CARD14: variants seen among roughly 807,000 people sequenced by gnomAD.
CARD14 encodes caspase recruitment domain-containing protein 14.
A neutral mutation model predicts 111.5 loss-of-function variants in CARD14; 107 were observed. That is an observed-to-expected ratio of 0.96 (90% confidence interval 0.82 to 1.13). CARD14 has a LOEUF of 1.13. Among genes scored for constraint, CARD14 ranks in the 50% most tolerant of loss-of-function variants. The probability of loss-of-function intolerance (pLI) is 0.00; values close to 1 mark genes in which losing one functional copy is unlikely to be tolerated. For synonymous variants in CARD14, 617 were observed against 579.6 expected (o/e 1.06, Z -0.93); for missense variants, 1,322 against 1,362.3 (o/e 0.97, Z 0.47).
Position 80,203,852 on chromosome 17 carries a change from G to C in CARD14, c.2250G>C (p.Gln750His), listed in dbSNP as rs1598704863. Residue 750 changes from glutamine (Q) to histidine (H), a missense_variant, in exon 19 of 24, where the codon CAG (glutamine) becomes CAC (histidine). By Grantham distance (24) the Gln-to-His change is conservative. Coordinates refer to ENST00000648509, the MANE Select transcript of CARD14 (RefSeq NM_001366385.1). The surrounding 1 kb of genome is among the most constrained non-coding windows in gnomAD (Gnocchi z 4.6). The part of the protein sequence containing the change: ...RAQQQLIALI[Q>H]DMTQQCTVTR... Reference sequence around the variant, plus strand: ...AGCAGCAGCTCATAGCCCTCATCCAGGACATGACTCAGCAGTGCACCGTGA... The same window carrying C: ...AGCAGCAGCTCATAGCCCTCATCCACGACATGACTCAGCAGTGCACCGTGA... 1.3e-6 allele frequency: 2 copies of C among 1,594,664 alleles called. No individual in the cohort carries two copies. Among genetic ancestry groups the C allele is most frequent in the Non-Finnish European group, 1.7e-6 (2 of 1,171,480 alleles).
In CARD14 at chr17:80,188,405, G is replaced by A. The variant is rs1240300516; in HGVS notation, c.704G>A (p.Arg235Gln). 3.1e-6 allele frequency: 5 copies of A among 1,610,378 alleles called. No homozygotes were observed. The highest frequency in any genetic ancestry group is 2.2e-5 in the East Asian group (1 of 44,470). Residue 235 changes from arginine to glutamine, a missense_variant, in exon 8 of 24, where the codon CGA becomes CAA. Transcript: ENST00000648509. This position sits in a 1 kb window ranked among gnomAD's most constrained non-coding sequence, Gnocchi z 4.5. ...TATCTACTGAAGCAGGAGCTGCAGC[G>A]AGCCAACATGGTTTCCTCCTGTGAG... ...ELYLLKQELQ[R>Q]ANMVSSCELE... is the part of the protein sequence containing the mutation.
rs376630011 is a variant in CARD14 at position 80,189,878 on chromosome 17, G to A, written c.963+6G>A. The A allele has an allele frequency of 2.6e-5, 42 of 1,593,144 alleles. No homozygotes were observed. Among genetic ancestry groups the A allele is most frequent in the Non-Finnish European group, 3.2e-5 (38 of 1,172,130 alleles). ...CCGAGAGGCAGCGAGAGCAGGTGCC[G>A]TGTGAGCCCTTCCTCCCTTGTGACT... On this transcript the variant is annotated splice_donor_region_variant and intron_variant, in intron 9 of 23. Transcript: ENST00000648509. The surrounding 1 kb of genome is among the most constrained non-coding windows in gnomAD (Gnocchi z 4.7).
At chr17:80,183,874 C>T (rs560691188) in intron 6 of CARD14, 39 bp from the exon 7 acceptor site, 3 of 1,445,910 alleles carry the variant, frequency 2.1e-6, no homozygotes, top group African/African-American at 2.9e-5. Flanking sequence ...CTATTACCTC[C>T]CTACCTGCTC....
intron 1 of CARD14, among the ~76,000 whole-genome samples, chr17:80,171,311 C>T (rs1390437304): frequency 1.3e-5 from 2 of 149,674 alleles, no homozygotes; most frequent in African/African-American, 4.9e-5. Flanking sequence ...TTCTCTCTCT[C>T]TCTCTTTCTT....
chr17:80,202,128 C>T (rs375862251), intron 17 of CARD14, 52 bp from the exon 18 acceptor site: 16 of 1,504,110 alleles, frequency 1.1e-5, no homozygotes, highest in Middle Eastern at 1.7e-4. Context: ...CAACCTTCCT[C>T]GCAGAGGCTC....
Position 80,202,301 on chromosome 17 carries a change from C to G in CARD14, c.2100C>G (p.Asn700Lys). ...AAGGGGAGCTGCAGGTGCATTGCAACGAGGTCCTGCACGTCACCGACACCA... is the reference window on the plus strand; with the variant it reads ...AAGGGGAGCTGCAGGTGCATTGCAAGGAGGTCCTGCACGTCACCGACACCA... Reference protein sequence around the residue: ...RAKGELQVHCNEVLHVTDTMF... With the variant: ...RAKGELQVHCKEVLHVTDTMF... The change falls in exon 18 of 24, where the codon AAC (asparagine) becomes AAG (lysine). Residue 700 changes from asparagine (N) to lysine (K), a missense_variant. Physicochemically the swap from Asn to Lys is moderately conservative, Grantham distance 94 (BLOSUM62 0). Coordinates refer to ENST00000648509, the MANE Select transcript of CARD14 (RefSeq NM_001366385.1). 6.2e-7 allele frequency: 1 copy of G among 1,613,762 alleles called. No individual in the cohort carries two copies. The highest frequency in any genetic ancestry group is 8.5e-7 in the Non-Finnish European group (1 of 1,180,008).
rs1185414935 is a variant in CARD14, at chr17:80,179,286, A to G, written c.-36A>G. On this transcript the variant is annotated 5_prime_UTR_variant, in exon 4 of 24. It adds an upstream start codon to the 5' untranslated region. Transcript: ENST00000648509. The stretch of plus-strand genomic sequence containing the variant: ...GGAGAAAAATTAGGCACAACCTGAT[A>G]TCCTCCCACAGGAGCGTAAGTCCAC... 2 of 152,256 alleles carry G rather than the reference A, an allele frequency of 1.3e-5. No individual in the cohort carries two copies. Among genetic ancestry groups the G allele is most frequent in the Non-Finnish European group, 2.9e-5 (2 of 68,054 alleles). The allele number at this position is 152,256 out of a possible 1,614,324, so 9.4% of individuals were successfully genotyped here. A position where few individuals can be genotyped will look rare whatever the true frequency, so the allele number is the denominator to read the frequency against.
chr17:80,206,445 T>C (rs2041313400), intron 22 of CARD14, among the ~76,000 whole-genome samples: 1 of 151,762 alleles, frequency 6.6e-6, no homozygotes, highest in Admixed American at 6.6e-5. Flanking sequence ...GAGACACCCG[T>C]CTCTACAAAA....
chr17:80,192,457 G>A lies in CARD14; in HGVS notation c.1240-46G>A, dbSNP rs185983029. ...GTAGAAACTCCACGGGCCTCAAAGCGGAACCTTTCCCGAATTAACCAGCCT... is the reference window on the plus strand; with the variant it reads ...GTAGAAACTCCACGGGCCTCAAAGCAGAACCTTTCCCGAATTAACCAGCCT... On this transcript the variant is annotated intron_variant, in intron 11 of 23. Coordinates refer to ENST00000648509, the MANE Select transcript of CARD14 (RefSeq NM_001366385.1). 944 of 1,505,648 alleles carry A rather than the reference G, an allele frequency of 6.3e-4. 5 individuals are homozygous for A. The highest frequency in any genetic ancestry group is 3.6e-3 in the Middle Eastern group (21 of 5,828). 93.3% of individuals were successfully genotyped at this position (1,505,648 alleles called of 1,614,324 possible).
At chr17:80,204,369 C>T (rs780960038) in intron 20 of CARD14, 28 bp downstream of exon 20, 3 of 1,524,028 alleles carry the variant, frequency 2.0e-6, no homozygotes, top group East Asian at 2.5e-5. Context: ...GGCACAGGGG[C>T]CACTGGCTCC....
At position 80,203,476 on chromosome 17, in the gene CARD14, C is replaced by T. The variant is rs984669001; in HGVS notation, c.2220-346C>T. On this transcript the variant is annotated intron_variant, in intron 18 of 23. Coordinates refer to ENST00000648509, the MANE Select transcript of CARD14 (RefSeq NM_001366385.1). The surrounding 1 kb of genome is among the most constrained non-coding windows in gnomAD (Gnocchi z 4.6). ...CACTCTGCATTTCTAACAGCTCTCT[C>T]GGTGACTCCAGGCTGCAGGCCAGGG... 7 of 244,652 alleles carry T rather than the reference C, an allele frequency of 2.9e-5. No homozygotes were observed. Among genetic ancestry groups the T allele is most frequent in the East Asian group, 8.3e-5 (1 of 12,094 alleles). The allele number at this position is 244,652 out of a possible 1,614,324, so 15.2% of individuals were successfully genotyped here.
intron 9 of CARD14, 25 bp from the exon 10 acceptor site, chr17:80,190,749 G>C (rs377344139): frequency 1.2e-6 from 2 of 1,612,808 alleles, no homozygotes; most frequent in East Asian, 2.2e-5. Flanking sequence ...TGAGCTTCAC[G>C]GTCCATGTGT....
rs771451722 is a variant in CARD14 at position 80,198,415 on chromosome 17, C to A, written c.1675C>A (p.Arg559=). The A allele has an allele frequency of 6.2e-7, 1 of 1,604,246 alleles. No individual in the cohort carries two copies. Among genetic ancestry groups the A allele is most frequent in the Non-Finnish European group, 8.5e-7 (1 of 1,173,632 alleles). ...GGCCTGCAGCGGCGTCCTCATGCGG[C>A]GGAGGCCAGCCCGCAGGATCCTGAG... ...DVSESGVLMR[R]RPARRILSQV... The change falls in exon 16 of 24, where the codon CGG becomes AGG. Residue 559 remains arginine, a synonymous_variant. Coordinates refer to ENST00000648509, the MANE Select transcript of CARD14 (RefSeq NM_001366385.1). This position sits in a 1 kb window ranked among gnomAD's most constrained non-coding sequence, Gnocchi z 7.5.
Position 80,184,234 on chromosome 17 carries a change from A to G in CARD14, c.671A>G (p.Glu224Gly), listed in dbSNP as rs749727089. The change falls in exon 7 of 24, where the codon GAG (glutamate) becomes GGG (glycine). Residue 224 changes from glutamate (E) to glycine (G), a missense_variant. By Grantham distance (98) the Glu-to-Gly change is moderately conservative (BLOSUM62 -2). Transcript: ENST00000648509. ...LAASRCRSLQ[E>G]ELYLLKQELQ... ...GCCTCACGCTGCCGCAGCCTGCAGG[A>G]GGAGGTAGGGGGACACCCTGCACCC... 40 of 1,526,230 alleles carry G rather than the reference A, an allele frequency of 2.6e-5. No homozygotes were observed. Among genetic ancestry groups the G allele is most frequent in the Non-Finnish European group, 3.3e-5 (37 of 1,132,596 alleles). The allele number at this position is 1,526,230 out of a possible 1,614,324, so 94.5% of individuals were successfully genotyped here. A position where few individuals can be genotyped will look rare whatever the true frequency, so the allele number is the denominator to read the frequency against.
In CARD14 at chr17:80,183,957, A is replaced by G. The variant is rs2040255161; in HGVS notation, c.394A>G (p.Ile132Val). ...SKLTECLAGA[I>V]GSLQEELNQE... The stretch of plus-strand genomic sequence containing the variant: ...GCTGACCGAGTGCCTGGCTGGGGCC[A>G]TCGGCAGCCTGCAGGAGGAGCTGAA... The change falls in exon 7 of 24, where the codon ATC becomes GTC. Residue 132 changes from isoleucine (I) to valine (V), a missense_variant. Coordinates refer to ENST00000648509, the MANE Select transcript of CARD14 (RefSeq NM_001366385.1). The G allele has an allele frequency of 1.3e-6, 2 of 1,545,992 alleles. No homozygotes were observed. Among genetic ancestry groups the G allele is most frequent in the South Asian group, 1.3e-5 (1 of 79,652 alleles).
chr17:80,191,485 G>A lies in CARD14; in HGVS notation c.1239+13G>A, dbSNP rs374504738. On this transcript the variant is annotated intron_variant, in intron 11 of 23. Transcript: ENST00000648509. ...GCCTCCGGGTGTGGTGAGTGTTCCC[G>A]GCTGACCCGAGCTGGAGGCCAGGCA... is the stretch of plus-strand genomic sequence containing the variant. 16 of 1,606,128 alleles carry A rather than the reference G, an allele frequency of 1.0e-5. No homozygotes were observed. In the Admixed American group the frequency reaches 1.0e-4, roughly 10 times the overall value.
chr17:80,195,346 G>A lies in CARD14; in HGVS notation c.1499+13G>A, dbSNP rs114086314. 1.6e-3 allele frequency: 2,516 copies of A among 1,602,066 alleles called. 33 individuals are homozygous for A. The African/African-American group carries it at 0.03, about 19-fold the overall frequency. ...CCTGGTCTTTCAGGTAGAGCACTGG[G>A]GTCCTTCCTGGCACTGGGGTGGCAC... On this transcript the variant is annotated intron_variant, in intron 13 of 23. Coordinates refer to ENST00000648509, the MANE Select transcript of CARD14 (RefSeq NM_001366385.1). This position sits in a 1 kb window ranked among gnomAD's most constrained non-coding sequence, Gnocchi z 4.7.
At chr17:80,199,886 AAAAG>A (rs1023764232) in intron 16 of CARD14, among the ~76,000 whole-genome samples, 17 of 152,182 alleles carry the variant, frequency 1.1e-4, no homozygotes, top group African/African-American at 4.1e-4. Context: ...AAAAAAGAAA[AAAAG>A]AAAAGAAAAA....
rs1210994359 is a variant in CARD14, at chr17:80,195,805, G to A, written c.1594+153G>A. ...GGGCCTTGACCTTGGCCTCGACCTT[G>A]CACTTTGGGAAAGTCCCGCCTGCCA... On this transcript the variant is annotated intron_variant, in intron 14 of 23. Coordinates refer to ENST00000648509, the MANE Select transcript of CARD14 (RefSeq NM_001366385.1). This position sits in a 1 kb window ranked among gnomAD's most constrained non-coding sequence, Gnocchi z 4.7. 6 of 659,208 alleles carry A rather than the reference G, an allele frequency of 9.1e-6. No homozygotes were observed. In the East Asian group the frequency reaches 1.7e-4, roughly 19 times the overall value. 40.8% of individuals were successfully genotyped at this position (659,208 alleles called of 1,614,324 possible).
Sources: allele counts gnomAD v4.1 joint callset (sites outside exome capture counted in the v4.1 genomes callset), GRCh38; gene constraint gnomAD v4.1.1; non-coding constraint Gnocchi (gnomAD v3.1); transcripts MANE v1.5; gene names NCBI Gene and HGNC (gene_info 2026-07-23, HGNC 2026-07-21).